The following MCF2L2 variants were observed in gnomAD, a reference collection of about 807,000 sequenced individuals.
MCF2L2 encodes MCF.2 cell line derived transforming sequence-like 2.
MCF2L2 carries 102 observed loss-of-function variants against 150.2 expected under a neutral mutation model. The ratio of observed to expected loss-of-function variants is 0.68; its 90% CI spans 0.58 to 0.80. MCF2L2 has a LOEUF of 0.80. Ranked by LOEUF, MCF2L2 falls within the 30% of genes least tolerant of loss-of-function variation. MCF2L2 has a pLI of 0.00. For missense variants in MCF2L2, 1,256 were observed against 1,372.8 expected (o/e 0.91, Z 1.34); for synonymous variants, 465 against 491.3 (o/e 0.95, Z 0.71).
At chr3:183,291,405 C>T (rs1577030951) in intron 13 of MCF2L2, among the ~76,000 whole-genome samples, 2 of 152,338 alleles carry the variant, frequency 1.3e-5, no homozygotes, top group South Asian at 4.1e-4. Flanking sequence ...TGTGATAAGG[C>T]TTTAATGAGT....
In MCF2L2 at chr3:183,283,473, C is replaced by T. The variant is rs1008070003; in HGVS notation, c.1776+5647G>A. On this transcript the variant is annotated intron_variant, in intron 14 of 29. Coordinates refer to ENST00000328913, the MANE Select transcript of MCF2L2 (RefSeq NM_015078.4). This position sits in a 1 kb window ranked among gnomAD's most constrained non-coding sequence, Gnocchi z 4.2. Reference sequence around the variant, plus strand: ...AGACCTCTGAGATGTTATACCCTTCCTCATTCTGGAATGCCCTTCAGTGTC... The same window carrying T: ...AGACCTCTGAGATGTTATACCCTTCTTCATTCTGGAATGCCCTTCAGTGTC... 2.0e-5 allele frequency among the ~76,000 whole-genome samples: 3 copies of T among 152,124 alleles called. No individual in the cohort carries two copies. The highest frequency in any genetic ancestry group is 7.2e-5 in the African/African-American group (3 of 41,406).
At chr3:183,250,408 A>G (rs1724462600) in intron 15 of MCF2L2, among the ~76,000 whole-genome samples, 1 of 152,026 alleles carries the variant, frequency 6.6e-6, no homozygotes, top group South Asian at 2.1e-4. Context: ...CAACATGGTG[A>G]AACCCCATCT....
At chr3:183,307,930 G>A (rs1419611757) in intron 10 of MCF2L2, among the ~76,000 whole-genome samples, 5 of 152,244 alleles carry the variant, frequency 3.3e-5, no homozygotes, top group East Asian at 3.9e-4. Context: ...CCTGCAGCTC[G>A]CTCTTGCTTT....
rs149296520 is a variant in MCF2L2, at chr3:183,384,542, G to C, written c.161-5131C>G. On this transcript the variant is annotated intron_variant, in intron 2 of 29. Coordinates refer to ENST00000328913, the MANE Select transcript of MCF2L2 (RefSeq NM_015078.4). ...GGGTTTACCTGATCTGTGGCCCCCC[G>C]CCCAGGAACTGACTAAGCACAAGAA... Among the ~76,000 whole-genome samples the C allele has an allele frequency of 7.0e-3, 1,067 of 151,816 alleles. 10 individuals carry two copies. The highest frequency in any genetic ancestry group is 0.025 in the African/African-American group (1,033 of 41,212).
intron 5 of MCF2L2, among the ~76,000 whole-genome samples, chr3:183,336,888 A>C (rs1459125150): frequency 6.6e-5 from 10 of 150,412 alleles, no homozygotes; most frequent in Non-Finnish European, 3.0e-5. Context: ...TATATATGGA[A>C]TATTTCCTAG....
At chr3:183,310,487 G>A in intron 9 of MCF2L2, 1 of 257,624 alleles carries the variant, frequency 3.9e-6, no homozygotes, top group Non-Finnish European at 7.8e-6. Context: ...GGGCAACAGA[G>A]TGAGACTCCA....
chr3:183,390,160 A>G (rs987342708), intron 1 of MCF2L2, among the ~76,000 whole-genome samples: 5 of 152,216 alleles, frequency 3.3e-5, no homozygotes, highest in South Asian at 2.1e-4. Context: ...CACAAACAAC[A>G]TAAGTTACTA....
At chr3:183,239,804 T>C (rs997066251) in intron 15 of MCF2L2, among the ~76,000 whole-genome samples, 3 of 152,218 alleles carry the variant, frequency 2.0e-5, no homozygotes, top group African/African-American at 4.8e-5. Flanking sequence ...TTCATGCTGT[T>C]GACTCTCCCA....
chr3:183,275,779 A>G (rs1175195386), intron 15 of MCF2L2, among the ~76,000 whole-genome samples: 1 of 152,026 alleles, frequency 6.6e-6, no homozygotes, highest in Non-Finnish European at 1.5e-5. Context: ...ACATCCCGCT[A>G]AATGTTTTAA....
chr3:183,412,691 T>G (rs185778544), intron 1 of MCF2L2, among the ~76,000 whole-genome samples: 188 of 152,326 alleles, frequency 1.2e-3, no homozygotes, highest in Non-Finnish European at 2.3e-3. Flanking sequence ...CCCTTTCCAA[T>G]CTGGATGCCT....
At chr3:183,366,359 G>A (rs1185310826) in intron 3 of MCF2L2, among the ~76,000 whole-genome samples, 3 of 152,260 alleles carry the variant, frequency 2.0e-5, no homozygotes, top group Middle Eastern at 3.4e-3. Context: ...TTTATTTACC[G>A]GCTGGGCGCG....
intron 3 of MCF2L2, among the ~76,000 whole-genome samples, chr3:183,357,620 A>G (rs1219350960): frequency 6.6e-6 from 1 of 152,134 alleles, no homozygotes; most frequent in Non-Finnish European, 1.5e-5. Context: ...CCTCAAGGGG[A>G]AAAAGACTGT....
At chr3:183,344,833 A>C (rs1577078286) in intron 3 of MCF2L2, among the ~76,000 whole-genome samples, 2 of 152,252 alleles carry the variant, frequency 1.3e-5, no homozygotes. Context: ...CAAAGAAGGG[A>C]ATTACATAAT....
Position 183,269,949 on chromosome 3 carries a change from C to T in MCF2L2, c.1862+6923G>A, listed in dbSNP as rs1560388305. The T allele has an allele frequency of 5.0e-6, 8 of 1,613,942 alleles. No individual in the cohort carries two copies. The Admixed American group carries it at 5.0e-5, about 10-fold the overall frequency. On this transcript the variant is annotated intron_variant, in intron 15 of 29. Coordinates refer to ENST00000328913, the MANE Select transcript of MCF2L2 (RefSeq NM_015078.4). ...TATGAAGTCATATTCTTACAGATACCTCATAAATAGCTATGACTTTGTGAA... is the reference window on the plus strand; with the variant it reads ...TATGAAGTCATATTCTTACAGATACTTCATAAATAGCTATGACTTTGTGAA...
intron 1 of MCF2L2, among the ~76,000 whole-genome samples, chr3:183,419,673 G>A (rs1205267524): frequency 6.6e-6 from 1 of 152,106 alleles, no homozygotes; most frequent in East Asian, 1.9e-4. Flanking sequence ...AGGAGTTTGG[G>A]ACCAGCCTGG....
rs932518264 is a variant in MCF2L2, at chr3:183,252,465, T to C, written c.1863-21448A>G. ...GCTGACCAGCTTAAGGAAAGCAATTTAAAAACTTCCTAAAAATCTAGTTTG... is the reference window on the plus strand; with the variant it reads ...GCTGACCAGCTTAAGGAAAGCAATTCAAAAACTTCCTAAAAATCTAGTTTG... On this transcript the variant is annotated intron_variant, in intron 15 of 29. Transcript: ENST00000328913. Among the ~76,000 whole-genome samples, 4 of 152,248 alleles carry C rather than the reference T, an allele frequency of 2.6e-5. No individual in the cohort carries two copies. The South Asian group carries it at 8.3e-4, about 31-fold the overall frequency.
intron 3 of MCF2L2, chr3:183,375,836 C>T (rs948728623): frequency 3.9e-5 from 6 of 152,144 alleles, no homozygotes; most frequent in Admixed American, 1.3e-4. Flanking sequence ...AACTATGTAA[C>T]GTACAAAAAG....
intron 1 of MCF2L2, among the ~76,000 whole-genome samples, chr3:183,423,215 C>A (rs1479339522): frequency 6.6e-6 from 1 of 152,172 alleles, no homozygotes; most frequent in Non-Finnish European, 1.5e-5. Flanking sequence ...ACTCTTCTTT[C>A]AGTACCAACA....
At chr3:183,324,249 T>C (rs1009087104) in intron 5 of MCF2L2, among the ~76,000 whole-genome samples, 20 of 152,194 alleles carry the variant, frequency 1.3e-4, no homozygotes, top group African/African-American at 4.8e-4. Flanking sequence ...GTTCCGCTGA[T>C]GAGCGAACAC....
Sources: allele counts gnomAD v4.1 joint callset (sites outside exome capture counted in the v4.1 genomes callset), GRCh38; gene constraint gnomAD v4.1.1; non-coding constraint Gnocchi (gnomAD v3.1); transcripts MANE v1.5; gene names NCBI Gene and HGNC (gene_info 2026-07-23, HGNC 2026-07-21).